The following PDE4D variants were observed in gnomAD, a reference collection of about 807,000 sequenced individuals.
PDE4D encodes phosphodiesterase 4D.
In PDE4D, 24 loss-of-function variants were observed where a neutral mutation model predicts 87.4. The ratio of observed to expected loss-of-function variants is 0.27; its 90% confidence interval spans 0.20 to 0.39. The LOEUF (loss-of-function observed/expected upper bound fraction) is 0.39, where lower values mean the gene tolerates loss of function less well. Among genes scored for constraint, PDE4D ranks in the 10% least tolerant of loss-of-function variants. PDE4D has a pLI of 1.00. For synonymous variants in PDE4D, 384 were observed against 383.2 expected, an observed-to-expected ratio of 1.00 and a Z score of -0.02; for missense variants, 714 against 1,041.0, an observed-to-expected ratio of 0.69 and a Z score of 4.32.
At chr5:59,550,647 A>G (rs1244314481) in intron 1 of PDE4D, among the ~76,000 whole-genome samples, 3 of 150,570 alleles carry the variant, frequency 2.0e-5, no homozygotes, top group Non-Finnish European at 3.0e-5. Context: ...TTTCTTATGG[A>G]TTGTGTTCAT....
At chr5:59,783,353 C>A (rs1764813329) in intron 1 of PDE4D, among the ~76,000 whole-genome samples, 1 of 152,162 alleles carries the variant, frequency 6.6e-6, no homozygotes, top group East Asian at 1.9e-4. Context: ...AGATTTGGAG[C>A]CATCCCAGGT....
chr5:59,847,032 C>T (rs1407621671), intron 1 of PDE4D, among the ~76,000 whole-genome samples: 2 of 151,942 alleles, frequency 1.3e-5, no homozygotes, highest in African/African-American at 2.4e-5. Context: ...GAGCCTATTT[C>T]GTTGACAGAG....
At chr5:60,275,953 C>G (rs759714147) in intron 1 of PDE4D, among the ~76,000 whole-genome samples, 3 of 151,964 alleles carry the variant, frequency 2.0e-5, no homozygotes, top group Non-Finnish European at 2.9e-5. Flanking sequence ...TTATCTTTCT[C>G]TTATTGATTT....
chr5:59,154,472 A>G (rs1779883072), intron 5 of PDE4D, among the ~76,000 whole-genome samples: 1 of 152,174 alleles, frequency 6.6e-6, no homozygotes, highest in Non-Finnish European at 1.5e-5. Context: ...CAAAAACACT[A>G]TTTCAGGTAC....
chr5:59,271,310 AT>A (rs1259128599), intron 1 of PDE4D, among the ~76,000 whole-genome samples: 1 of 152,168 alleles, frequency 6.6e-6, no homozygotes, highest in Non-Finnish European at 1.5e-5. Context: ...AATTGCAGGT[AT>A]TACAGGAGCA....
chr5:59,114,733 A>G (rs1773286681), intron 5 of PDE4D, among the ~76,000 whole-genome samples: 1 of 152,130 alleles, frequency 6.6e-6, no homozygotes, highest in African/African-American at 2.4e-5. Context: ...TGAGAGGGAT[A>G]CACTGGCAAT....
At chr5:60,240,527 G>A (rs1175385481) in intron 1 of PDE4D, among the ~76,000 whole-genome samples, 4 of 152,036 alleles carry the variant, frequency 2.6e-5, no homozygotes, top group African/African-American at 7.2e-5. Context: ...CCTTAAGTAC[G>A]GCCAGGTATC....
At chr5:60,403,032 G>A (rs1354603680) in intron 1 of PDE4D, among the ~76,000 whole-genome samples, 2 of 152,094 alleles carry the variant, frequency 1.3e-5, no homozygotes, top group Non-Finnish European at 2.9e-5. Flanking sequence ...AGAAGATCTA[G>A]TCTAATCCTC....
chr5:59,569,544 C>G (rs1192230576), intron 1 of PDE4D, among the ~76,000 whole-genome samples: 2 of 152,160 alleles, frequency 1.3e-5, no homozygotes, highest in Non-Finnish European at 2.9e-5. Flanking sequence ...GCATGTTTGT[C>G]CATCCTTACT....
intron 1 of PDE4D, among the ~76,000 whole-genome samples, chr5:59,793,055 G>A (rs1184811627): frequency 6.6e-6 from 1 of 152,184 alleles, no homozygotes; most frequent in Non-Finnish European, 1.5e-5. Flanking sequence ...CAGTCAAATG[G>A]AATGTCCGAT....
chr5:60,341,111 T>C (rs1758276959), intron 1 of PDE4D, among the ~76,000 whole-genome samples: 1 of 151,314 alleles, frequency 6.6e-6, no homozygotes, highest in South Asian at 2.1e-4. Context: ...CTTGAAACTG[T>C]TCTGAATGAA....
intron 1 of PDE4D, among the ~76,000 whole-genome samples, chr5:60,282,235 A>ATATATATATATATATATATATATG (rs1490291783): frequency 4.5e-5 from 6 of 132,050 alleles, no homozygotes; most frequent in Admixed American, 7.4e-5. Flanking sequence ...ATATATATAT[A>ATATATATATATATATATATATATG]TATTTCTCAA....
At chr5:59,719,435 GT>G (rs1295030064) in intron 1 of PDE4D, among the ~76,000 whole-genome samples, 1 of 152,102 alleles carries the variant, frequency 6.6e-6, no homozygotes, top group Non-Finnish European at 1.5e-5. Flanking sequence ...GAACTAATGA[GT>G]TTTGAGTATT....
intron 1 of PDE4D, among the ~76,000 whole-genome samples, chr5:59,779,614 CAT>C (rs1348097586): frequency 1.3e-5 from 2 of 152,160 alleles, no homozygotes; most frequent in Non-Finnish European, 2.9e-5. Context: ...TTCTTAAAAA[CAT>C]AGTGTTATAT....
At chr5:60,428,903 C>T (rs1326187404) in intron 1 of PDE4D, among the ~76,000 whole-genome samples, 1 of 152,142 alleles carries the variant, frequency 6.6e-6, no homozygotes, top group Non-Finnish European at 1.5e-5. Flanking sequence ...AATTTGGAAC[C>T]AGACAGACTT....
chr5:59,540,528 C>T (rs1247978582), intron 1 of PDE4D, among the ~76,000 whole-genome samples: 1 of 152,140 alleles, frequency 6.6e-6, no homozygotes, highest in Non-Finnish European at 1.5e-5. Flanking sequence ...GGCAATTAAG[C>T]TGGCACAAGG....
intron 1 of PDE4D, among the ~76,000 whole-genome samples, chr5:59,644,263 C>A (rs1182760765): frequency 1.3e-5 from 2 of 152,282 alleles, no homozygotes; most frequent in South Asian, 2.1e-4. Context: ...AGTACCTTGG[C>A]AGCCAGCTGA....
At chr5:59,087,482 T>A (rs967226340) in intron 5 of PDE4D, among the ~76,000 whole-genome samples, 3 of 152,014 alleles carry the variant, frequency 2.0e-5, no homozygotes, top group Non-Finnish European at 4.4e-5. Context: ...AGACCCTATC[T>A]CAATAAATAA....
In PDE4D at chr5:60,350,975, A is replaced by G. The variant is rs551570329; in HGVS notation, c.-90+136967T>C. On this transcript the variant is annotated intron_variant, in intron 1 of 16. Transcript: ENST00000502484. ...CAAAGAATTCCAGCTTACACCTGCT[A>G]TTGTTTCAGTGGATTAAAAACTACA... Among the ~76,000 whole-genome samples, 9 of 152,254 alleles carry G rather than the reference A, an allele frequency of 5.9e-5. No individual in the cohort carries two copies. The South Asian group carries it at 1.9e-3, about 32-fold the overall frequency.
Sources: allele counts gnomAD v4.1 joint callset (sites outside exome capture counted in the v4.1 genomes callset), GRCh38; gene constraint gnomAD v4.1.1; transcripts MANE v1.5; gene names NCBI Gene and HGNC (gene_info 2026-07-23, HGNC 2026-07-21).